Variants in NF1 observed in about 807,000 individuals in gnomAD.
NF1 encodes neurofibromin 1, also known as neurofibromin.
NF1 carries 122 observed loss-of-function variants against 325.7 expected under a neutral mutation model. The ratio of observed to expected loss-of-function variants is 0.37; its 90% CI spans 0.32 to 0.44. The LOEUF (loss-of-function observed/expected upper bound fraction) is 0.44. Ranked by LOEUF, NF1 falls within the 20% of genes least tolerant of loss-of-function variation. The probability of loss-of-function intolerance (pLI) is 1.00; values close to 1 mark genes in which losing one functional copy is unlikely to be tolerated. For missense variants in NF1, 2,140 were observed against 3,415.4 expected (o/e 0.63, Z 9.31); for synonymous variants, 1,091 against 1,186.0 (o/e 0.92, Z 1.65).
chr17:31,170,625 T>A (rs144361157), intron 5 of NF1, among the ~76,000 whole-genome samples: 1 of 152,316 alleles, frequency 6.6e-6, no homozygotes, highest in Non-Finnish European at 1.5e-5. Flanking sequence ...TTTACATGAT[T>A]ATGTGGATTG....
Position 31,157,853 on chromosome 17 carries a change from C to G in NF1, c.205-1157C>G, listed in dbSNP as rs534231133. ...TGGCGGCATGTGCCTGTAGTCCCAG[C>G]TACTCAGGAGGCTGAGACAGGAGAA... On this transcript the variant is annotated intron_variant, in intron 2 of 57. Transcript: ENST00000358273. Among the ~76,000 whole-genome samples the G allele has an allele frequency of 5.3e-5, 8 of 151,116 alleles. No homozygotes were observed. In the South Asian group the frequency reaches 1.5e-3, roughly 28 times the overall value.
intron 36 of NF1, among the ~76,000 whole-genome samples, chr17:31,292,585 A>G (rs935448334): frequency 3.9e-5 from 6 of 152,124 alleles, no homozygotes; most frequent in Admixed American, 6.5e-5. Flanking sequence ...CTTTCAATCT[A>G]TGTATAAGTG....
At chr17:31,101,893 A>G (rs1355497930) in intron 1 of NF1, among the ~76,000 whole-genome samples, 2 of 152,142 alleles carry the variant, frequency 1.3e-5, no homozygotes, top group Non-Finnish European at 2.9e-5. Context: ...AATGGAGTGC[A>G]TACTTTCTGA....
At chr17:31,230,488 AAG>A in intron 23 of NF1, 106 bp downstream of exon 23, 1 of 1,381,360 alleles carries the variant, frequency 7.2e-7, no homozygotes, top group Admixed American at 1.8e-5. Flanking sequence ...AGGACATGAA[AAG>A]AGAGCAATTT....
intron 1 of NF1, among the ~76,000 whole-genome samples, chr17:31,100,883 A>G (rs1224267206): frequency 6.6e-6 from 1 of 152,166 alleles, no homozygotes; most frequent in Non-Finnish European, 1.5e-5. Flanking sequence ...TTCATCCTTT[A>G]GAAAGATTTC....
chr17:31,160,379 TG>T, intron 3 of NF1, among the ~76,000 whole-genome samples: 1 of 152,328 alleles, frequency 6.6e-6, no homozygotes, highest in Admixed American at 6.5e-5. Flanking sequence ...TGAACCACTG[TG>T]CCTGCCCTAA....
chr17:31,318,853 T>C, intron 36 of NF1: 2 of 1,614,086 alleles, frequency 1.2e-6, no homozygotes, highest in South Asian at 1.1e-5. Context: ...TTCATTTTGG[T>C]TTCTGCCTGT....
At chr17:31,123,264 A>G (rs1914589742) in intron 1 of NF1, among the ~76,000 whole-genome samples, 1 of 152,230 alleles carries the variant, frequency 6.6e-6, no homozygotes, top group African/African-American at 2.4e-5. Context: ...AGGGGTAAAC[A>G]TCAAATAATT....
Position 31,327,840 on chromosome 17 carries a change from G to A in NF1, c.5609+1G>A, listed in dbSNP as rs1131691117. On this transcript the variant is annotated splice_donor_variant, in intron 38 of 57. Coordinates refer to ENST00000358273, the MANE Select transcript of NF1 (RefSeq NM_001042492.3). LOFTEE classifies it high-confidence loss of function. ...TAGGCAGTTCTGACCCGAGTTTACG[G>A]TAGGTTTTTTAAAATTCTCTTCAGT... 6.2e-7 allele frequency: 1 copy of A among 1,613,508 alleles called. No homozygotes were observed. The highest frequency in any genetic ancestry group is 8.5e-7 in the Non-Finnish European group (1 of 1,179,764).
chr17:31,325,714 T>G, intron 36 of NF1, 106 bp from the exon 37 acceptor site: 1 of 886,836 alleles, frequency 1.1e-6, no homozygotes, highest in Non-Finnish European at 1.8e-6. Flanking sequence ...TTGTTTTATA[T>G]TATTCTCTCT....
rs545549460 is a variant in NF1, at chr17:31,321,248, G to A, written c.4836-4572G>A. Among the ~76,000 whole-genome samples, 6 of 152,152 alleles carry A rather than the reference G, an allele frequency of 3.9e-5. No individual in the cohort carries two copies. In the East Asian group the frequency reaches 1.2e-3, roughly 29 times the overall value. ...TTTGAAAAATAACAAAACATTTCCA[G>A]TTTACTTGAGGAAACCAAACTTAGA... On this transcript the variant is annotated intron_variant, in intron 36 of 57. Coordinates refer to ENST00000358273, the MANE Select transcript of NF1 (RefSeq NM_001042492.3).
At chr17:31,251,067 T>G (rs1467727998) in intron 30 of NF1, 2 of 195,264 alleles carry the variant, frequency 1.0e-5, no homozygotes, top group Non-Finnish European at 2.1e-5. Context: ...ATTTACTGAT[T>G]AGAAAGAAAG....
At chr17:31,348,640 C>T (rs921849171) in intron 48 of NF1, among the ~76,000 whole-genome samples, 3 of 150,012 alleles carry the variant, frequency 2.0e-5, no homozygotes, top group African/African-American at 7.3e-5. Context: ...AACAAACTCA[C>T]TAGTTTTCCC....
At chr17:31,267,274 T>G (rs1053510674) in intron 36 of NF1, among the ~76,000 whole-genome samples, 1 of 152,186 alleles carries the variant, frequency 6.6e-6, no homozygotes, top group African/African-American at 2.4e-5. Flanking sequence ...CCAAATCTGT[T>G]GCTTCATATG....
intron 4 of NF1, among the ~76,000 whole-genome samples, chr17:31,169,495 T>TG (rs1351081345): frequency 6.6e-6 from 1 of 152,178 alleles, no homozygotes; most frequent in Non-Finnish European, 1.5e-5. Flanking sequence ...AACTCATCTT[T>TG]GGGGGAAGAA....
At chr17:31,304,776 G>A in intron 36 of NF1, 1 of 1,614,000 alleles carries the variant, frequency 6.2e-7, no homozygotes, top group African/African-American at 1.3e-5. Context: ...GTGTGCTTTT[G>A]CTTGGTTTCC....
chr17:31,326,168 T>A lies in NF1; in HGVS notation c.5184T>A (p.Ala1728=), dbSNP rs546932099. 1 of 1,613,270 alleles carries A rather than the reference T, an allele frequency of 6.2e-7. No individual in the cohort carries two copies. Among genetic ancestry groups the A allele is most frequent in the East Asian group, 2.2e-5 (1 of 44,874 alleles). ...HIEHEQQKLP[A]ATLALEEDLK... The stretch of plus-strand genomic sequence containing the variant: ...AGCATGAACAACAGAAACTACCTGC[T>A]GCCACCTTGGCTTTAGAAGAGGACC... Residue 1728 remains alanine, a synonymous_variant, in exon 37 of 58, where the codon GCT becomes GCA. Coordinates refer to ENST00000358273, the MANE Select transcript of NF1 (RefSeq NM_001042492.3).
chr17:31,329,475 G>C (rs1295441728), intron 38 of NF1, among the ~76,000 whole-genome samples: 1 of 152,142 alleles, frequency 6.6e-6, no homozygotes, highest in African/African-American at 2.4e-5. Flanking sequence ...ATAGTAGCAT[G>C]ATAAACATTC....
rs1555614345 is a variant in NF1 at position 31,229,421 on chromosome 17, A to G, written c.2806A>G (p.Lys936Glu). The change falls in exon 21 of 58, where the codon AAA becomes GAA. Residue 936 changes from lysine to glutamate, a missense_variant. By Grantham distance (56) the Lys-to-Glu change is moderately conservative. This residue lies in a region of NF1 where 380 missense variants were observed against 639.3 expected (regional missense o/e 0.59). Transcript: ENST00000358273. ...TGCTCTGTATCCAATGCTATTTAAC[A>G]AATTGAAGAATACCATCAGCAAGTT... ...SPALYPMLFN[K>E]LKNTISKFFD... The G allele has an allele frequency of 6.2e-7, 1 of 1,613,900 alleles. No individual in the cohort carries two copies. Among genetic ancestry groups the G allele is most frequent in the Non-Finnish European group, 8.5e-7 (1 of 1,179,802 alleles).
Sources: gnomAD v4.1 joint callset for allele counts (sites outside exome capture counted in the v4.1 genomes callset) on GRCh38, gnomAD v4.1.1 for gene constraint, gnomAD v4.1.1 regional missense constraint, MANE v1.5 for transcripts, NCBI Gene and HGNC (gene_info 2026-07-23, HGNC 2026-07-21) for gene names.